RGPD2: variants seen among roughly 807,000 people sequenced by gnomAD.
RGPD2 encodes RANBP2 like and GRIP domain containing 2, also known as RANBP2-like and GRIP domain-containing protein 2.
In RGPD2, 2 loss-of-function variants were observed where a neutral mutation model predicts 36.0. The observed-to-expected ratio is 0.06, with a 90% confidence interval of 0.02 to 0.17. The LOEUF is 0.17. RGPD2 is among the 10% of genes least tolerant of loss of function. RGPD2 has a pLI of 1.00. For missense variants in RGPD2, 40 were observed against 464.3 expected (o/e 0.09, Z 8.40); for synonymous variants, 19 against 163.8 (o/e 0.12, Z 6.75).
the RGPD2 span, among the ~76,000 whole-genome samples, chr2:87,937,074 A>C: frequency 2.6e-5 from 4 of 151,880 alleles, no homozygotes; most frequent in African/African-American, 4.8e-5. Flanking sequence ...AAACAAATAT[A>C]AAATATAATT....
At chr2:87,822,243 G>A (rs1260998990) in intron 1 of RGPD2, among the ~76,000 whole-genome samples, 2 of 151,970 alleles carry the variant, frequency 1.3e-5, no homozygotes, top group African/African-American at 4.8e-5. Context: ...AACAAAAGAG[G>A]AGAATAAGAG....
the RGPD2 span, among the ~76,000 whole-genome samples, chr2:87,906,665 T>G: frequency 2.7e-5 from 4 of 149,404 alleles, no homozygotes; most frequent in Non-Finnish European, 5.9e-5. Context: ...AGGTACCTCT[T>G]GATTATTTTT....
chr2:87,930,422 T>A, the RGPD2 span, among the ~76,000 whole-genome samples: 1 of 152,142 alleles, frequency 6.6e-6, no homozygotes, highest in Non-Finnish European at 1.5e-5. Flanking sequence ...TAAAGCCTAC[T>A]TGATCGTGGT....
At chr2:87,906,759 CATA>C in the RGPD2 span, among the ~76,000 whole-genome samples, 1 of 150,146 alleles carries the variant, frequency 6.7e-6, no homozygotes, top group South Asian at 2.1e-4. Flanking sequence ...TTTTTAAAAA[CATA>C]ATAATAACCT....
chr2:87,935,434 G>C, the RGPD2 span, among the ~76,000 whole-genome samples: 1 of 148,228 alleles, frequency 6.7e-6, no homozygotes, highest in East Asian at 2.0e-4. Context: ...ATGGCTCTAT[G>C]AACTTCATTG....
the RGPD2 span, among the ~76,000 whole-genome samples, chr2:87,832,417 C>A: frequency 6.6e-6 from 1 of 151,948 alleles, no homozygotes. Context: ...TACAACAACA[C>A]AGAAAGTCTG....
chr2:87,876,178 G>A, the RGPD2 span, among the ~76,000 whole-genome samples: 1 of 150,068 alleles, frequency 6.7e-6, no homozygotes, highest in East Asian at 1.9e-4. Context: ...GGATTTGTGG[G>A]GTTTTTTTTT....
At chr2:87,814,855 C>T (rs1421078956) in intron 4 of RGPD2, among the ~76,000 whole-genome samples, 1 of 14,886 alleles carries the variant, frequency 6.7e-5, no homozygotes, top group East Asian at 1.8e-3. Flanking sequence ...GCCGAGATTG[C>T]GCCAGTGAAC....
At chr2:87,839,327 C>G in the RGPD2 span, among the ~76,000 whole-genome samples, 1 of 152,054 alleles carries the variant, frequency 6.6e-6, no homozygotes, top group Non-Finnish European at 1.5e-5. Context: ...CAATGAGATA[C>G]CATCTAATAA....
chr2:87,964,489 A>T, the RGPD2 span, among the ~76,000 whole-genome samples: 3 of 152,142 alleles, frequency 2.0e-5, no homozygotes, highest in African/African-American at 7.2e-5. Context: ...TATGTTTTTG[A>T]CAAATTGAAA....
chr2:87,968,808 G>C, the RGPD2 span: 2 of 175,468 alleles, frequency 1.1e-5, no homozygotes, highest in African/African-American at 2.5e-5. Context: ...AGATCAGCAA[G>C]TGTCTTTCCT....
At chr2:87,957,993 AT>A in the RGPD2 span, among the ~76,000 whole-genome samples, 3 of 152,262 alleles carry the variant, frequency 2.0e-5, no homozygotes, top group Non-Finnish European at 4.4e-5. Context: ...CAGCTCCTCT[AT>A]ATTAAAGATG....
At chr2:87,916,119 C>T in the RGPD2 span, among the ~76,000 whole-genome samples, 1 of 152,130 alleles carries the variant, frequency 6.6e-6, no homozygotes, top group Non-Finnish European at 1.5e-5. Context: ...TTACTAATCA[C>T]ACCAAGAAGC....
chr2:87,881,686 T>C, the RGPD2 span, among the ~76,000 whole-genome samples: 2 of 148,100 alleles, frequency 1.4e-5, no homozygotes, highest in East Asian at 3.9e-4. Flanking sequence ...TTCTGAGTCC[T>C]CCAAAGTCTT....
chr2:87,863,775 A>T, the RGPD2 span, among the ~76,000 whole-genome samples: 4 of 152,228 alleles, frequency 2.6e-5, no homozygotes, highest in East Asian at 7.7e-4. Context: ...CTGTTATTCT[A>T]TAATAATTTA....
At chr2:87,877,023 A>G in the RGPD2 span, among the ~76,000 whole-genome samples, 2 of 152,236 alleles carry the variant, frequency 1.3e-5, no homozygotes, top group Non-Finnish European at 2.9e-5. Flanking sequence ...TAGAATTGCA[A>G]CCCCTGCTTT....
the RGPD2 span, among the ~76,000 whole-genome samples, chr2:87,866,910 G>GAGGAAGGATACAGTGATTTA: frequency 2.0e-5 from 3 of 152,398 alleles, no homozygotes; most frequent in Admixed American, 1.3e-4. Flanking sequence ...GTCCGAGCCA[G>GAGGAAGGATACAGTGATTTA]AGGAAGGATA....
the RGPD2 span, chr2:87,989,244 A>T: frequency 4.3e-6 from 1 of 232,110 alleles, no homozygotes; most frequent in Non-Finnish European, 7.9e-6. Context: ...AATAGCTGGT[A>T]CAAGACTTTG....
intron 7 of RGPD2, among the ~76,000 whole-genome samples, chr2:87,802,269 T>TA (rs1278270969): frequency 7.5e-4 from 51 of 67,840 alleles, no homozygotes; most frequent in African/African-American, 3.1e-3. Context: ...GAAGTAGCAT[T>TA]AAAAAAAAAA....
Sources: allele counts gnomAD v4.1 joint callset (sites outside exome capture counted in the v4.1 genomes callset), GRCh38; gene constraint gnomAD v4.1.1; transcripts MANE v1.5; gene names NCBI Gene and HGNC (gene_info 2026-07-23, HGNC 2026-07-21).